Variants in BPIFB3 observed in about 807,000 individuals in gnomAD.
BPIFB3 encodes BPI fold containing family B member 3.
Under a neutral mutation model 53.1 loss-of-function variants are expected in BPIFB3, and 49 were observed. The ratio of observed to expected loss-of-function variants is 0.92; its 90% CI spans 0.73 to 1.17. The LOEUF is 1.17. Among genes scored for constraint, BPIFB3 ranks in the 50% most tolerant of loss-of-function variants. The pLI, the probability that BPIFB3 is intolerant of heterozygous loss-of-function variation, is 0.00. For missense variants in BPIFB3, 628 were observed against 592.5 expected (o/e 1.06, Z -0.62); for synonymous variants, 271 against 269.6 (o/e 1.01, Z -0.05).
At chr20:33,057,910 T>A (rs2146380516) in intron 2 of BPIFB3, among the ~76,000 whole-genome samples, 1 of 152,314 alleles carries the variant, frequency 6.6e-6, no homozygotes, top group Middle Eastern at 3.4e-3. Flanking sequence ...TATTCAGGGT[T>A]TTCTGTGTGT....
Position 33,069,966 on chromosome 20 carries a change from A to G in BPIFB3, c.1217+11A>G, listed in dbSNP as rs1286491958. On this transcript the variant is annotated intron_variant, in intron 11 of 14. Coordinates refer to ENST00000375494, the Ensembl canonical transcript of BPIFB3. ...CCTGTCCCTGGAACGGTAACTTGGG[A>G]TCCTGGGGACAGGATCTTGTTCTTG... is the stretch of plus-strand genomic sequence containing the variant. 3.1e-6 allele frequency: 5 copies of G among 1,613,920 alleles called. No homozygotes were observed. Among genetic ancestry groups the G allele is most frequent in the Non-Finnish European group, 4.2e-6 (5 of 1,179,816 alleles).
At chr20:33,064,817 C>T in exon 8 of BPIFB3, 8 of 1,613,530 alleles carry the variant, frequency 5.0e-6, no homozygotes, top group Non-Finnish European at 6.8e-6. Flanking sequence ...ACCAACGGCG[C>T]CCTCGACATG....
upstream of BPIFB3, chr20:33,055,398 A>G (rs1232583708): frequency 6.2e-7 from 1 of 1,611,708 alleles, no homozygotes; most frequent in African/African-American, 1.3e-5. Flanking sequence ...AGGGTCTCAG[A>G]GTTCCTCCTT....
chr20:33,065,380 G>T (rs533133132), intron 8 of BPIFB3, among the ~76,000 whole-genome samples: 91 of 152,148 alleles, frequency 6.0e-4, no homozygotes, highest in African/African-American at 2.0e-3. Flanking sequence ...GCATGGTGGT[G>T]CATGCCTGTG....
intron 8 of BPIFB3, among the ~76,000 whole-genome samples, chr20:33,065,241 A>T (rs1000096673): frequency 1.3e-5 from 2 of 152,164 alleles, no homozygotes; most frequent in Non-Finnish European, 2.9e-5. Context: ...AGCAGATTTG[A>T]GTGGGAGAAA....
exon 8 of BPIFB3, chr20:33,064,830 C>T: frequency 6.2e-7 from 1 of 1,612,912 alleles, no homozygotes; most frequent in Non-Finnish European, 8.5e-7. Context: ...TCGACATGGA[C>T]ATCACCCCTG....
chr20:33,073,304 G>T (rs1240251258), intron 14 of BPIFB3, among the ~76,000 whole-genome samples: 1 of 152,216 alleles, frequency 6.6e-6, no homozygotes, highest in East Asian at 1.9e-4. Context: ...TTTCTCAGAT[G>T]AGGACCAAGG....
chr20:33,062,623 C>T (rs1367896434), intron 5 of BPIFB3, among the ~76,000 whole-genome samples: 1 of 152,230 alleles, frequency 6.6e-6, no homozygotes, highest in African/African-American at 2.4e-5. Flanking sequence ...AATTGGCCAG[C>T]AGCTAGGTTT....
chr20:33,065,051 C>A (rs1354999672), intron 8 of BPIFB3, among the ~76,000 whole-genome samples: 2 of 152,214 alleles, frequency 1.3e-5, no homozygotes, highest in East Asian at 3.8e-4. Flanking sequence ...GGTCCTCTAC[C>A]TGGTTAAACC....
intron 5 of BPIFB3, among the ~76,000 whole-genome samples, chr20:33,063,257 CCTGTGA>C (rs1980526398): frequency 6.6e-6 from 1 of 152,160 alleles, no homozygotes; most frequent in Admixed American, 6.5e-5. Context: ...CAGGGGATGG[CCTGTGA>C]CTTTATGGGG....
At chr20:33,070,288 C>T (rs755904217) in intron 11 of BPIFB3, among the ~76,000 whole-genome samples, 10 of 152,162 alleles carry the variant, frequency 6.6e-5, no homozygotes, top group African/African-American at 1.7e-4. Flanking sequence ...AAGAGACAAC[C>T]GGCCTTGAGT....
chr20:33,070,382 T>C (rs888834794), intron 11 of BPIFB3, among the ~76,000 whole-genome samples: 1 of 152,230 alleles, frequency 6.6e-6, no homozygotes. Flanking sequence ...TAGGCGTCCA[T>C]CAAGATAATC....
At chr20:33,063,301 TGAA>T (rs1322345755) in intron 5 of BPIFB3, among the ~76,000 whole-genome samples, 1 of 152,070 alleles carries the variant, frequency 6.6e-6, no homozygotes, top group Non-Finnish European at 1.5e-5. Context: ...CCTCCTCAGG[TGAA>T]GGCCTTGTCC....
intron 9 of BPIFB3, among the ~76,000 whole-genome samples, chr20:33,068,093 C>T (rs1294969487): frequency 6.6e-6 from 1 of 152,234 alleles, no homozygotes; most frequent in African/African-American, 2.4e-5. Flanking sequence ...GTAACAGGCC[C>T]TGCAATGGAA....
chr20:33,073,711 A>G, downstream of BPIFB3: 1 of 1,378,710 alleles, frequency 7.3e-7, no homozygotes, highest in Non-Finnish European at 1.0e-6. Context: ...GACAGTAAAA[A>G]TGCCCTCTGG....
exon 5 of BPIFB3, chr20:33,061,825 G>A (rs201726387): frequency 3.1e-5 from 50 of 1,614,148 alleles, no homozygotes; most frequent in South Asian, 2.0e-4. Flanking sequence ...AGGTGCTTCC[G>A]GGACTGGTGA....
chr20:33,059,924 G>T (rs761698108), exon 4 of BPIFB3: 1 of 1,614,134 alleles, frequency 6.2e-7, no homozygotes, highest in Non-Finnish European at 8.5e-7. Context: ...TGGCTGCGGA[G>T]GTGAACGTGA....
At chr20:33,071,754 A>C (rs1156878028) in intron 12 of BPIFB3, among the ~76,000 whole-genome samples, 1 of 152,142 alleles carries the variant, frequency 6.6e-6, no homozygotes, top group Non-Finnish European at 1.5e-5. Flanking sequence ...CCCTAAACTG[A>C]CAGGAATCTA....
rs1431935782 is a variant in BPIFB3 at position 33,059,564 on chromosome 20, C to T, written c.386+82C>T. On this transcript the variant is annotated intron_variant, in intron 3 of 14. Coordinates refer to ENST00000375494, the Ensembl canonical transcript of BPIFB3. ...TTGGAGACTCCTACTCTGCTGTCCC[C>T]CCACTCCCACCCCTCTGTATCCCCC... The T allele has an allele frequency of 1.6e-5, 16 of 980,044 alleles. No homozygotes were observed. The East Asian group carries it at 4.2e-4, about 26-fold the overall frequency. 60.7% of individuals were successfully genotyped at this position (980,044 alleles called of 1,614,324 possible).
Sources: allele counts gnomAD v4.1 joint callset (sites outside exome capture counted in the v4.1 genomes callset), GRCh38; gene constraint gnomAD v4.1.1; transcripts MANE v1.5; gene names NCBI Gene and HGNC (gene_info 2026-07-23, HGNC 2026-07-21).